C11orf97: variants seen among roughly 807,000 people sequenced by gnomAD.
C11orf97 encodes uncharacterized protein C11orf97.
C11orf97 carries 15 observed loss-of-function variants against 16.2 expected under a neutral mutation model. That is an observed-to-expected ratio of 0.93 (90% CI 0.62 to 1.43). The LOEUF (loss-of-function observed/expected upper bound fraction) is 1.43. Ranked by LOEUF, C11orf97 falls within the 40% of genes most tolerant of loss-of-function variation. The pLI, the probability that C11orf97 is intolerant of heterozygous loss-of-function variation, is 0.00. For synonymous variants in C11orf97, 61 were observed against 65.7 expected (o/e 0.93, Z 0.34); for missense variants, 171 against 161.2 (o/e 1.06, Z -0.33).
chr11:94,530,155 C>G (rs1023748975), intron 3 of C11orf97, among the ~76,000 whole-genome samples: 1 of 152,182 alleles, frequency 6.6e-6, no homozygotes, highest in African/African-American at 2.4e-5. Context: ...TTCCTTTCAT[C>G]CATACAATTT....
chr11:94,521,759 G>A (rs979254974), intron 2 of C11orf97, among the ~76,000 whole-genome samples: 2 of 152,198 alleles, frequency 1.3e-5, no homozygotes, highest in African/African-American at 4.8e-5. Flanking sequence ...TGTTTAACTT[G>A]CCCAAGGTTA....
rs1420890459 is a variant in C11orf97, at chr11:94,531,991, T to C, written c.*91T>C. 5 of 1,090,668 alleles carry C rather than the reference T, an allele frequency of 4.6e-6. No individual in the cohort carries two copies. The highest frequency in any genetic ancestry group is 3.8e-5 in the South Asian group (2 of 52,804). 67.6% of individuals were successfully genotyped at this position (1,090,668 alleles called of 1,614,324 possible). ...CTCAAGCTTGTTTCAGGATTTAAGA[T>C]GTGTGCAAAAAAATGATAGCCTGTA... On this transcript the variant is annotated 3_prime_UTR_variant, in exon 4 of 4. Coordinates refer to ENST00000542198, the MANE Select transcript of C11orf97 (RefSeq NM_001190462.2).
intron 2 of C11orf97, among the ~76,000 whole-genome samples, chr11:94,521,617 T>G (rs780169581): frequency 7.2e-5 from 11 of 152,240 alleles, no homozygotes. Context: ...CTTTATTGGC[T>G]ATCTCTCCCA....
At chr11:94,528,630 T>C (rs1947716862) in intron 3 of C11orf97, among the ~76,000 whole-genome samples, 1 of 152,188 alleles carries the variant, frequency 6.6e-6, no homozygotes, top group Admixed American at 6.5e-5. Context: ...TTGGCTCTCT[T>C]AGTTTCACCC....
chr11:94,518,010 A>G (rs1208433050), intron 2 of C11orf97, among the ~76,000 whole-genome samples: 1 of 152,024 alleles, frequency 6.6e-6, no homozygotes, highest in Non-Finnish European at 1.5e-5. Context: ...TTAGCCGGGT[A>G]TGGTGGCGGG....
intron 2 of C11orf97, among the ~76,000 whole-genome samples, chr11:94,525,249 T>A (rs541708869): frequency 1.7e-4 from 26 of 152,160 alleles, no homozygotes; most frequent in Non-Finnish European, 2.2e-4. Context: ...TCTTTTGTAT[T>A]TTTCTGGCTA....
At chr11:94,519,976 T>C (rs539638849) in intron 2 of C11orf97, among the ~76,000 whole-genome samples, 1 of 152,362 alleles carries the variant, frequency 6.6e-6, no homozygotes, top group Middle Eastern at 3.4e-3. Context: ...CTTCTTTTCC[T>C]GGAAGACACA....
intron 2 of C11orf97, among the ~76,000 whole-genome samples, chr11:94,521,226 G>A (rs1565253135): frequency 2.0e-5 from 3 of 152,138 alleles, no homozygotes; most frequent in African/African-American, 7.2e-5. Context: ...GTTTTCTATT[G>A]CTACCTGAAA....
At chr11:94,518,563 A>G (rs1947632212) in intron 2 of C11orf97, among the ~76,000 whole-genome samples, 1 of 152,242 alleles carries the variant, frequency 6.6e-6, no homozygotes, top group Admixed American at 6.5e-5. Context: ...GGATCTGAGC[A>G]TTGATAGCTC....
chr11:94,526,466 T>A (rs572465094), intron 2 of C11orf97, among the ~76,000 whole-genome samples: 37 of 152,352 alleles, frequency 2.4e-4, no homozygotes, highest in Middle Eastern at 6.8e-3. Context: ...ACACTTCATT[T>A]AGTACAATTC....
At chr11:94,517,517 G>A in intron 1 of C11orf97, 66 bp from the exon 2 acceptor site, 1 of 889,628 alleles carries the variant, frequency 1.1e-6, no homozygotes, top group Admixed American at 3.1e-5. Flanking sequence ...TTATCATGTA[G>A]ATATAATGGC....
intron 3 of C11orf97, among the ~76,000 whole-genome samples, chr11:94,531,526 C>CAAAAAAAAAAAA (rs35270400): frequency 1.7e-4 from 16 of 92,070 alleles, no homozygotes; most frequent in Admixed American, 2.7e-4. Flanking sequence ...CAAAACAAGC[C>CAAAAAAAAAAAA]AAAAAAAAAA....
Position 94,512,510 on chromosome 11 carries a change from C to G in C11orf97, c.-19C>G, listed in dbSNP as rs1473111568. The G allele has an allele frequency of 1.5e-6, 2 of 1,290,562 alleles. No homozygotes were observed. Among genetic ancestry groups the G allele is most frequent in the East Asian group, 6.2e-5 (2 of 32,314 alleles). 79.9% of individuals were successfully genotyped at this position (1,290,562 alleles called of 1,614,324 possible). A position where few individuals can be genotyped will look rare whatever the true frequency, so the allele number is the denominator to read the frequency against. On this transcript the variant is annotated 5_prime_UTR_variant, in exon 1 of 4. Transcript: ENST00000542198. Reference sequence around the variant, plus strand: ...TGAGAAGGAAACCGTGCCCAGGGCTCTCGGAAGACCGCTGCGGCATGACAG... The same window carrying G: ...TGAGAAGGAAACCGTGCCCAGGGCTGTCGGAAGACCGCTGCGGCATGACAG...
intron 2 of C11orf97, among the ~76,000 whole-genome samples, chr11:94,523,625 GCT>G (rs1311182888): frequency 6.6e-6 from 1 of 152,140 alleles, no homozygotes; most frequent in Non-Finnish European, 1.5e-5. Flanking sequence ...TCATTTCTGT[GCT>G]TTTTCTCTTC....
In C11orf97 at chr11:94,512,540, G is replaced by T. The variant is rs1591743893; in HGVS notation, c.12G>T (p.Glu4Asp). 6.1e-6 allele frequency: 8 copies of T among 1,310,990 alleles called. No individual in the cohort carries two copies. The highest frequency in any genetic ancestry group is 6.8e-6 in the Non-Finnish European group (7 of 1,029,358). 81.2% of individuals were successfully genotyped at this position (1,310,990 alleles called of 1,614,324 possible). Residue 4 changes from glutamate to aspartate, a missense_variant, in exon 1 of 4, where the codon GAG becomes GAT. Transcript: ENST00000542198. MTG[E>D]EAVVVTAVVA... ...AAGACCGCTGCGGCATGACAGGCGA[G>T]GAGGCGGTGGTGGTGACCGCAGTGG...
chr11:94,522,506 G>A lies in C11orf97; in HGVS notation c.250+4819G>A, dbSNP rs189495289. Reference sequence around the variant, plus strand: ...GAGCCGAGATCCGCCATTGCACTCCGGCCTGGGCAACAGAGTGAGACTCCG... The same window carrying A: ...GAGCCGAGATCCGCCATTGCACTCCAGCCTGGGCAACAGAGTGAGACTCCG... On this transcript the variant is annotated intron_variant, in intron 2 of 3. Coordinates refer to ENST00000542198, the MANE Select transcript of C11orf97 (RefSeq NM_001190462.2). Among the ~76,000 whole-genome samples, 116 of 152,180 alleles carry A rather than the reference G, an allele frequency of 7.6e-4. 3 individuals are homozygous for A. The East Asian group carries it at 0.015, about 20-fold the overall frequency.
chr11:94,514,104 C>A (rs370956222), intron 1 of C11orf97, among the ~76,000 whole-genome samples: 20 of 152,148 alleles, frequency 1.3e-4, no homozygotes, highest in African/African-American at 4.6e-4. Context: ...GCCACCACGC[C>A]CAGCCTCCTA....
chr11:94,513,179 G>T (rs1220656892), intron 1 of C11orf97, among the ~76,000 whole-genome samples: 1 of 152,076 alleles, frequency 6.6e-6, no homozygotes. Flanking sequence ...CCATCTCTTG[G>T]ACTCTCAGTC....
At chr11:94,515,628 CTCCTT>C in intron 1 of C11orf97, among the ~76,000 whole-genome samples, 1 of 144,800 alleles carries the variant, frequency 6.9e-6, no homozygotes, top group East Asian at 2.0e-4. Context: ...TCTTTCCTTT[CTCCTT>C]TCCTTTCTTT....
Sources: gnomAD v4.1 joint callset for allele counts (sites outside exome capture counted in the v4.1 genomes callset) on GRCh38, gnomAD v4.1.1 for gene constraint, MANE v1.5 for transcripts, NCBI Gene and HGNC (gene_info 2026-07-23, HGNC 2026-07-21) for gene names.